STMND1: variants seen among roughly 807,000 people sequenced by gnomAD.
The protein encoded by STMND1 is stathmin domain-containing protein 1.
A neutral mutation model predicts 23.0 loss-of-function variants in STMND1; 17 were observed. The ratio of observed to expected loss-of-function variants is 0.74; its 90% confidence interval spans 0.51 to 1.11. STMND1 has a LOEUF of 1.11. Among genes scored for constraint, STMND1 ranks in the 50% least tolerant of loss-of-function variants. The pLI, the probability that STMND1 is intolerant of heterozygous loss-of-function variation, is 0.00. For missense variants in STMND1, 305 were observed against 329.1 expected, an observed-to-expected ratio of 0.93 and a Z score of 0.57; for synonymous variants, 114 against 119.9, an observed-to-expected ratio of 0.95 and a Z score of 0.32.
intron 1 of STMND1, 50 bp downstream of exon 1, chr6:17,102,388 G>A: frequency 6.5e-7 from 1 of 1,532,260 alleles, no homozygotes; most frequent in Non-Finnish European, 8.7e-7. Context: ...AAAGCCTTTT[G>A]CCTGGGAGGT....
chr6:17,105,515 C>T (rs998279873), intron 1 of STMND1, among the ~76,000 whole-genome samples: 7 of 150,714 alleles, frequency 4.6e-5, no homozygotes, highest in Non-Finnish European at 8.9e-5. Context: ...CGTGATGGCA[C>T]ATGCCTGTAA....
In STMND1 at chr6:17,131,321, G is replaced by T; in HGVS notation, c.*440G>T. The T allele has an allele frequency of 6.5e-6, 1 of 154,944 alleles. No homozygotes were observed. 9.6% of individuals were successfully genotyped at this position (154,944 alleles called of 1,614,324 possible). On this transcript the variant is annotated 3_prime_UTR_variant, in exon 5 of 5. Transcript: ENST00000536551. ...GGCTTATATGTTTTTTATGCTGTAT[G>T]TCTATGGTTTTATAATTTTTTTCTC...
intron 4 of STMND1, 44 bp downstream of exon 4, chr6:17,129,287 T>C: frequency 6.6e-7 from 1 of 1,523,874 alleles, no homozygotes; most frequent in Non-Finnish European, 8.8e-7. Context: ...GTTCGCTGTC[T>C]GTTAAAATGA....
chr6:17,105,766 A>C (rs1761015504), intron 1 of STMND1, among the ~76,000 whole-genome samples: 1 of 151,656 alleles, frequency 6.6e-6, no homozygotes. Context: ...CTCTACTAAA[A>C]ATAGAAAAAT....
At chr6:17,124,321 G>A (rs563927955) in intron 3 of STMND1, among the ~76,000 whole-genome samples, 1 of 152,300 alleles carries the variant, frequency 6.6e-6, no homozygotes, top group Admixed American at 6.5e-5. Context: ...AAAGAGAATA[G>A]TTTAAAAATA....
chr6:17,119,462 G>A (rs1013037663), intron 2 of STMND1, among the ~76,000 whole-genome samples: 12 of 152,124 alleles, frequency 7.9e-5, no homozygotes, highest in South Asian at 2.1e-4. Flanking sequence ...CCAGCACTTC[G>A]GGAGGCCGAG....
At chr6:17,125,288 TA>T (rs758247909) in intron 3 of STMND1, among the ~76,000 whole-genome samples, 18 of 152,224 alleles carry the variant, frequency 1.2e-4, no homozygotes, top group Non-Finnish European at 2.1e-4. Flanking sequence ...GACTATATTG[TA>T]AACAAACATT....
chr6:17,118,971 G>C (rs1761193620), intron 2 of STMND1, among the ~76,000 whole-genome samples: 1 of 152,162 alleles, frequency 6.6e-6, no homozygotes, highest in South Asian at 2.1e-4. Flanking sequence ...TAAGTGCTTA[G>C]TAAATGATCA....
chr6:17,104,974 T>C (rs1161619755), intron 1 of STMND1, among the ~76,000 whole-genome samples: 3 of 152,020 alleles, frequency 2.0e-5, no homozygotes, highest in Non-Finnish European at 4.4e-5. Context: ...AAATATTCTT[T>C]TTAAAAAAAA....
chr6:17,119,327 A>AGTGT (rs374022012), intron 2 of STMND1, among the ~76,000 whole-genome samples: 3 of 151,678 alleles, frequency 2.0e-5, no homozygotes, highest in African/African-American at 4.8e-5. Context: ...GCATCTGATT[A>AGTGT]GTGTGTGTGT....
At chr6:17,125,002 A>G (rs1761277641) in intron 3 of STMND1, among the ~76,000 whole-genome samples, 1 of 141,942 alleles carries the variant, frequency 7.0e-6, no homozygotes, top group African/African-American at 2.6e-5. Flanking sequence ...CTGTCAAACA[A>G]AAAACCCAAT....
chr6:17,120,514 A>G, intron 2 of STMND1, 93 bp from the exon 3 acceptor site: 1 of 899,258 alleles, frequency 1.1e-6, no homozygotes, highest in East Asian at 2.7e-5. Flanking sequence ...CTAATTAAGT[A>G]GCATGGTTTA....
intron 1 of STMND1, 118 bp downstream of exon 1, chr6:17,102,456 C>A (rs1760955676): frequency 1.6e-6 from 2 of 1,223,976 alleles, no homozygotes; most frequent in African/African-American, 3.0e-5. Flanking sequence ...TCGGTCGAGG[C>A]TAGTTAACAG....
At position 17,125,013 on chromosome 6, in the gene STMND1, T is replaced by TAA. The variant is rs35083403; in HGVS notation, c.412-4087_412-4086dup. 3.3e-3 allele frequency among the ~76,000 whole-genome samples: 478 copies of TAA among 143,818 alleles called. 3 individuals are homozygous for TAA. The highest frequency in any genetic ancestry group is 0.025 in the Middle Eastern group (7 of 280). 94.4% of individuals were successfully genotyped at this position (143,818 alleles called of 152,430 possible). ...GACCCTGTCAAACAAAAAACCCAAT[T>TAA]AAAAAAAAAAAAAGTTAAATGTGCT... On this transcript the variant is annotated intron_variant, in intron 3 of 4. Transcript: ENST00000536551.
intron 3 of STMND1, among the ~76,000 whole-genome samples, chr6:17,121,234 C>T (rs1761229929): frequency 6.6e-6 from 1 of 152,188 alleles, no homozygotes; most frequent in Non-Finnish European, 1.5e-5. Flanking sequence ...ATAAATTACC[C>T]AGTCTCAGGT....
rs150863110 is a variant in STMND1 at position 17,104,114 on chromosome 6, A to T, written c.81+1776A>T. Among the ~76,000 whole-genome samples, 40 of 152,180 alleles carry T rather than the reference A, an allele frequency of 2.6e-4. No homozygotes were observed. In the Middle Eastern group the frequency reaches 0.01, roughly 39 times the overall value. On this transcript the variant is annotated intron_variant, in intron 1 of 4. Coordinates refer to ENST00000536551, the MANE Select transcript of STMND1 (RefSeq NM_001190766.2). ...CTCTCAGGGCTCAGTTCTTCCAGGC[A>T]TCTCACACCTCCATGCCTTTACCTG... is the stretch of plus-strand genomic sequence containing the variant.
chr6:17,126,907 T>G (rs1319870960), intron 3 of STMND1, among the ~76,000 whole-genome samples: 3 of 152,158 alleles, frequency 2.0e-5, no homozygotes, highest in African/African-American at 7.2e-5. Flanking sequence ...GCTTCACAGT[T>G]GAGAAAATTG....
At chr6:17,114,816 G>T (rs927189469) in intron 1 of STMND1, 146 bp from the exon 2 acceptor site, 1 of 821,468 alleles carries the variant, frequency 1.2e-6, no homozygotes, top group Non-Finnish European at 1.8e-6. Context: ...GGCCCAGGGG[G>T]TTGGGGACCC....
At chr6:17,117,052 T>C (rs945982590) in intron 2 of STMND1, among the ~76,000 whole-genome samples, 5 of 151,968 alleles carry the variant, frequency 3.3e-5, no homozygotes, top group Admixed American at 1.3e-4. Flanking sequence ...AGGATCAAAA[T>C]TGGGAAATTA....
Sources: allele counts gnomAD v4.1 joint callset (sites outside exome capture counted in the v4.1 genomes callset), GRCh38; gene constraint gnomAD v4.1.1; transcripts MANE v1.5; gene names NCBI Gene and HGNC (gene_info 2026-07-23, HGNC 2026-07-21).